The following FCGR2A variants were observed in gnomAD, a reference collection of about 807,000 sequenced individuals.
FCGR2A encodes the protein Fc gamma receptor IIa.
Under a neutral mutation model 29.3 loss-of-function variants are expected in FCGR2A, and 18 were observed. That is an observed-to-expected ratio of 0.62 (90% CI 0.43 to 0.91). The LOEUF is 0.91. FCGR2A is among the 40% of genes least tolerant of loss of function. The pLI is 0.00. For synonymous variants in FCGR2A, 126 were observed against 144.8 expected (o/e 0.87, Z 0.93); for missense variants, 287 against 393.0 (o/e 0.73, Z 2.28).
chr1:161,517,427 A>G (rs1329172537), intron 6 of FCGR2A, among the ~76,000 whole-genome samples: 1 of 152,158 alleles, frequency 6.6e-6, no homozygotes, highest in African/African-American at 2.4e-5. Flanking sequence ...AAAAGGTCTG[A>G]AGAAAGCAGA....
chr1:161,507,777 T>C (rs1675505861), intron 3 of FCGR2A, among the ~76,000 whole-genome samples: 1 of 152,018 alleles, frequency 6.6e-6, no homozygotes, highest in Admixed American at 6.6e-5. Context: ...CTTATGAAAA[T>C]GTAAAAATAT....
At chr1:161,517,700 T>A (rs1348951210) in intron 6 of FCGR2A, among the ~76,000 whole-genome samples, 1 of 152,154 alleles carries the variant, frequency 6.6e-6, no homozygotes, top group East Asian at 1.9e-4. Context: ...GATTCCACTT[T>A]GATTTTTAGT....
At position 161,505,489 on chromosome 1, in the gene FCGR2A, T is replaced by C. The variant is rs1221283732; in HGVS notation, c.22T>C (p.Ser8Pro). The C allele has an allele frequency of 1.9e-6, 3 of 1,613,988 alleles. No homozygotes were observed. In the East Asian group the frequency reaches 6.7e-5, roughly 36 times the overall value. MTMETQM[S>P]QNVCPRNLWL... ...TGGGATGACTATGGAGACCCAAATG[T>C]CTCAGAATGTATGTCCCAGAAACCT... The change falls in exon 1 of 7, where the codon TCT becomes CCT. Residue 8 changes from serine to proline, a missense_variant. By Grantham distance (74) the Ser-to-Pro change is moderately conservative. Coordinates refer to ENST00000271450, the MANE Select transcript of FCGR2A (RefSeq NM_001136219.3).
rs575564847 is a variant in FCGR2A at position 161,517,606 on chromosome 1, G to A, written c.781-369G>A. Among the ~76,000 whole-genome samples the A allele has an allele frequency of 1.5e-4, 23 of 152,206 alleles. No individual in the cohort carries two copies. In the South Asian group the frequency reaches 2.1e-3, roughly 14 times the overall value. ...GGGAAATTAGATTTTTAGGTTATTA[G>A]GTTATTATCTCTCTCTCCTGATTTT... On this transcript the variant is annotated intron_variant, in intron 6 of 6. Transcript: ENST00000271450.
chr1:161,521,806 T>C (rs1464422877), downstream of FCGR2A, among the ~76,000 whole-genome samples: 2 of 152,116 alleles, frequency 1.3e-5, 1 homozygote, highest in Non-Finnish European at 2.9e-5. Context: ...CACGTGGAAC[T>C]GTAAGTCCAT....
intron 1 of FCGR2A, 150 bp downstream of exon 1, chr1:161,505,702 A>G: frequency 4.0e-6 from 3 of 757,120 alleles, no homozygotes; most frequent in East Asian, 4.9e-5. Context: ...AAGTGTTCCA[A>G]TGGTTCCTAA....
intron 5 of FCGR2A, among the ~76,000 whole-genome samples, chr1:161,512,352 G>A (rs1190797409): frequency 6.8e-6 from 1 of 147,416 alleles, no homozygotes; most frequent in South Asian, 2.2e-4. Context: ...ATTCTGGGGG[G>A]CTAGGGGCAC....
At chr1:161,514,049 A>C in intron 6 of FCGR2A, 117 bp downstream of exon 6, 1 of 1,397,684 alleles carries the variant, frequency 7.2e-7, no homozygotes, top group African/African-American at 1.4e-5. Flanking sequence ...AAAACTCCTG[A>C]GCAAACAAAG....
At chr1:161,512,673 G>C (rs531955216) in intron 5 of FCGR2A, among the ~76,000 whole-genome samples, 2 of 151,888 alleles carry the variant, frequency 1.3e-5, no homozygotes, top group Admixed American at 1.3e-4. Context: ...CATGACAGTA[G>C]GAACAGGCAG....
chr1:161,514,110 G>A (rs1164615109), intron 6 of FCGR2A, among the ~76,000 whole-genome samples, 178 bp downstream of exon 6: 1 of 152,150 alleles, frequency 6.6e-6, no homozygotes, highest in Non-Finnish European at 1.5e-5. Flanking sequence ...GCAAACATAA[G>A]TGAAACTCAA....
chr1:161,509,356 T>TA (rs1296945051), intron 3 of FCGR2A, among the ~76,000 whole-genome samples: 1 of 138,406 alleles, frequency 7.2e-6, no homozygotes, highest in Non-Finnish European at 1.6e-5. Flanking sequence ...TTTTTTTTTT[T>TA]AACCAGCAAC....
chr1:161,522,770 T>G (rs185807778), downstream of FCGR2A: 5 of 152,216 alleles, frequency 3.3e-5, no homozygotes, highest in East Asian at 9.6e-4. Flanking sequence ...CATTCCCTTT[T>G]TTCCTGAACT....
At chr1:161,523,210 C>T (rs1244754872), downstream of FCGR2A, 1 of 152,108 alleles carries the variant, frequency 6.6e-6, no homozygotes, top group African/African-American at 2.4e-5. Context: ...GATTCCCCGA[C>T]GGGGAGGTCA....
At chr1:161,523,706 T>C (rs868529077), downstream of FCGR2A, 10 of 152,118 alleles carry the variant, frequency 6.6e-5, no homozygotes, top group African/African-American at 9.7e-5. Flanking sequence ...ATGTCACATC[T>C]CCTTTGTGGA....
intron 2 of FCGR2A, 107 bp downstream of exon 2, chr1:161,506,114 G>T: frequency 7.4e-7 from 1 of 1,356,986 alleles, no homozygotes. Flanking sequence ...TGAAAATCAA[G>T]CTTGGGTTCA....
intron 6 of FCGR2A, among the ~76,000 whole-genome samples, chr1:161,517,522 C>T (rs1483940907): frequency 2.0e-5 from 3 of 152,152 alleles, no homozygotes; most frequent in Non-Finnish European, 4.4e-5. Flanking sequence ...TAATAAATAA[C>T]TGGTTGGTTA....
At chr1:161,509,027 C>T (rs1443189916) in intron 3 of FCGR2A, among the ~76,000 whole-genome samples, 1 of 152,098 alleles carries the variant, frequency 6.6e-6, no homozygotes, top group Non-Finnish European at 1.5e-5. Context: ...ATAGCAACCC[C>T]CAGGGTGATG....
rs937715319 is a variant in FCGR2A at position 161,519,151 on chromosome 1, T to C, written c.*1003T>C. 3 of 154,656 alleles carry C rather than the reference T, an allele frequency of 1.9e-5. No individual in the cohort carries two copies. The highest frequency in any genetic ancestry group is 7.2e-5 in the African/African-American group (3 of 41,442). 9.6% of individuals were successfully genotyped at this position (154,656 alleles called of 1,614,324 possible). On this transcript the variant is annotated 3_prime_UTR_variant, in exon 7 of 7. Transcript: ENST00000271450. The stretch of plus-strand genomic sequence containing the variant: ...GGTATTTCCTGGACTAAATTCCCCT[T>C]GGGGAAGACGAAGGGATGCTGCAGT...
downstream of FCGR2A, chr1:161,523,357 A>G (rs1278489061): frequency 2.6e-5 from 4 of 152,218 alleles, 1 homozygote; most frequent in Non-Finnish European, 4.4e-5. Flanking sequence ...AATGGCCTCA[A>G]TTCACAAAGT....
Sources: gnomAD v4.1 joint callset for allele counts (sites outside exome capture counted in the v4.1 genomes callset) on GRCh38, gnomAD v4.1.1 for gene constraint, MANE v1.5 for transcripts, NCBI Gene and HGNC (gene_info 2026-07-23, HGNC 2026-07-21) for gene names.